The following PARD3B variants were observed in gnomAD, a reference collection of about 807,000 sequenced individuals.
PARD3B encodes par-3 family cell polarity regulator beta, also known as partitioning defective 3 homolog B.
Under a neutral mutation model 130.2 loss-of-function variants are expected in PARD3B, and 103 were observed. That is an observed-to-expected ratio of 0.79 (90% CI 0.67 to 0.93). The LOEUF (loss-of-function observed/expected upper bound fraction) is 0.93. Among genes scored for constraint, PARD3B ranks in the 40% least tolerant of loss-of-function variants. The pLI is 0.00. For synonymous variants in PARD3B, 583 were observed against 553.2 expected, an observed-to-expected ratio of 1.05 and a Z score of -0.76; for missense variants, 1,609 against 1,499.2, an observed-to-expected ratio of 1.07 and a Z score of -1.21.
At chr2:204,977,603 A>G (rs953560160) in intron 3 of PARD3B, among the ~76,000 whole-genome samples, 1 of 151,974 alleles carries the variant, frequency 6.6e-6, no homozygotes, top group Non-Finnish European at 1.5e-5. Flanking sequence ...AGGTCAGGAG[A>G]TCGAGACCAT....
At chr2:204,800,783 G>GCA (rs1444894775) in intron 2 of PARD3B, among the ~76,000 whole-genome samples, 1 of 152,118 alleles carries the variant, frequency 6.6e-6, no homozygotes, top group African/African-American at 2.4e-5. Context: ...TGAAGTCTTT[G>GCA]CCCATGCCTA....
intron 1 of PARD3B, among the ~76,000 whole-genome samples, chr2:204,648,634 AAT>A (rs2035360577): frequency 8.4e-6 from 1 of 119,416 alleles, no homozygotes; most frequent in South Asian, 2.2e-4. Flanking sequence ...ATTTATATAT[AAT>A]ATATATTATA....
chr2:204,836,008 T>C (rs1291398926), intron 2 of PARD3B, among the ~76,000 whole-genome samples: 1 of 152,234 alleles, frequency 6.6e-6, no homozygotes, highest in Non-Finnish European at 1.5e-5. Flanking sequence ...TTTAAAAAAA[T>C]TGTTAAAAAC....
intron 1 of PARD3B, among the ~76,000 whole-genome samples, chr2:204,556,470 A>G (rs1470902042): frequency 3.9e-5 from 6 of 152,240 alleles, no homozygotes; most frequent in Admixed American, 3.9e-4. Context: ...CAGGGATACA[A>G]TATAGACAAA....
intron 1 of PARD3B, among the ~76,000 whole-genome samples, chr2:204,577,853 C>G (rs1345932605): frequency 3.3e-5 from 5 of 152,152 alleles, no homozygotes; most frequent in Non-Finnish European, 7.4e-5. Context: ...TAGACATCAG[C>G]CACTGTGCCC....
intron 21 of PARD3B, among the ~76,000 whole-genome samples, chr2:205,538,142 A>G (rs2051946836): frequency 6.6e-6 from 1 of 152,264 alleles, no homozygotes; most frequent in Non-Finnish European, 1.5e-5. Context: ...ATGATCCAAC[A>G]GAGAAGGAAA....
At chr2:204,797,980 T>C (rs1328728372) in intron 2 of PARD3B, among the ~76,000 whole-genome samples, 3 of 152,198 alleles carry the variant, frequency 2.0e-5, no homozygotes, top group East Asian at 3.9e-4. Context: ...ACTGACTATA[T>C]TGGGAGCAAG....
At chr2:204,698,910 CTA>C (rs1421645823) in intron 2 of PARD3B, among the ~76,000 whole-genome samples, 1 of 151,934 alleles carries the variant, frequency 6.6e-6, no homozygotes, top group Non-Finnish European at 1.5e-5. Flanking sequence ...AAACTGGAGA[CTA>C]TATTTAAAGC....
intron 20 of PARD3B, among the ~76,000 whole-genome samples, chr2:205,483,014 C>A (rs901085459): frequency 2.6e-5 from 4 of 151,938 alleles, no homozygotes; most frequent in African/African-American, 9.7e-5. Context: ...GTAGGAGGGG[C>A]ATACAAATAA....
At chr2:204,965,385 G>T in intron 3 of PARD3B, 62 bp downstream of exon 3, 1 of 1,490,636 alleles carries the variant, frequency 6.7e-7, no homozygotes, top group South Asian at 1.2e-5. Context: ...TTGTTGATTA[G>T]GCATTGTTTC....
chr2:204,727,028 A>C (rs528102640), intron 2 of PARD3B, among the ~76,000 whole-genome samples: 2 of 152,148 alleles, frequency 1.3e-5, no homozygotes, highest in Non-Finnish European at 2.9e-5. Flanking sequence ...TGCTGTTCAC[A>C]TTTCTGACCT....
intron 2 of PARD3B, among the ~76,000 whole-genome samples, chr2:204,746,484 T>TGG (rs1359684269): frequency 1.3e-5 from 2 of 152,154 alleles, no homozygotes; most frequent in African/African-American, 4.8e-5. Context: ...TATAATCCTT[T>TGG]GGGTATATAC....
chr2:204,898,778 T>C (rs2046739869), intron 2 of PARD3B, among the ~76,000 whole-genome samples: 1 of 152,198 alleles, frequency 6.6e-6, no homozygotes, highest in Admixed American at 6.5e-5. Flanking sequence ...TCTAATAATA[T>C]TTGCTTTATA....
intron 20 of PARD3B, among the ~76,000 whole-genome samples, chr2:205,484,206 A>G (rs1438777614): frequency 6.6e-6 from 1 of 152,194 alleles, no homozygotes; most frequent in Non-Finnish European, 1.5e-5. Flanking sequence ...TTTTGCTTTC[A>G]GTTTATTCAT....
At chr2:204,699,174 G>A (rs917403094) in intron 2 of PARD3B, among the ~76,000 whole-genome samples, 1 of 152,046 alleles carries the variant, frequency 6.6e-6, no homozygotes, top group Non-Finnish European at 1.5e-5. Flanking sequence ...ATAAAGAAGT[G>A]TCTAGGTGCC....
At chr2:205,180,958 G>T (rs917219564) in intron 13 of PARD3B, among the ~76,000 whole-genome samples, 6 of 152,100 alleles carry the variant, frequency 3.9e-5, no homozygotes, top group Non-Finnish European at 8.8e-5. Context: ...AATCTTGCTG[G>T]CAGATCTTAC....
intron 3 of PARD3B, among the ~76,000 whole-genome samples, chr2:204,976,089 A>G (rs236834): frequency 0.78 from 119,213 of 152,046 alleles, 47,500 homozygotes; most frequent in Non-Finnish European, 0.83. Context: ...CAAAATTTTC[A>G]TCTCTAATTC....
chr2:205,030,503 G>A (rs1247788829), intron 3 of PARD3B, among the ~76,000 whole-genome samples: 2 of 152,072 alleles, frequency 1.3e-5, no homozygotes, highest in Non-Finnish European at 2.9e-5. Flanking sequence ...AAATGAAACT[G>A]TGGGCCCACT....
At chr2:205,026,280 T>C (rs1266842976) in intron 3 of PARD3B, among the ~76,000 whole-genome samples, 2 of 151,994 alleles carry the variant, frequency 1.3e-5, no homozygotes, top group East Asian at 3.9e-4. Flanking sequence ...TTTGGAAAGA[T>C]AGAGAGCCAA....
Sources: allele counts gnomAD v4.1 joint callset (sites outside exome capture counted in the v4.1 genomes callset), GRCh38; gene constraint gnomAD v4.1.1; transcripts MANE v1.5; gene names NCBI Gene and HGNC (gene_info 2026-07-23, HGNC 2026-07-21).